The following TRABD2B variants were observed in gnomAD, a reference collection of about 807,000 sequenced individuals.
The protein encoded by TRABD2B is metalloprotease TIKI2.
TRABD2B carries 14 observed loss-of-function variants against 40.1 expected under a neutral mutation model. The observed-to-expected ratio is 0.35, with a 90% CI of 0.23 to 0.55. TRABD2B has a LOEUF of 0.55. Ranked by LOEUF, TRABD2B falls within the 20% of genes least tolerant of loss-of-function variation. The pLI, the probability that TRABD2B is intolerant of heterozygous loss-of-function variation, is 0.90. For missense variants in TRABD2B, 541 were observed against 648.6 expected (o/e 0.83, Z 1.80); for synonymous variants, 263 against 277.0 (o/e 0.95, Z 0.50).
chr1:47,911,480 C>T (rs753714310), intron 2 of TRABD2B, among the ~76,000 whole-genome samples: 46 of 152,240 alleles, frequency 3.0e-4, no homozygotes, highest in Non-Finnish European at 5.3e-4. Context: ...AGATAAAGAA[C>T]AGGCCGAAGA....
At chr1:47,855,715 G>A (rs189008497) in intron 2 of TRABD2B, among the ~76,000 whole-genome samples, 17 of 152,302 alleles carry the variant, frequency 1.1e-4, no homozygotes, top group Non-Finnish European at 2.1e-4. Context: ...GAGGTAATCA[G>A]GTCATGAAGG....
chr1:47,937,378 CCATCACCATCATAAT>C (rs946863214), intron 2 of TRABD2B, among the ~76,000 whole-genome samples: 1 of 151,166 alleles, frequency 6.6e-6, no homozygotes, highest in Non-Finnish European at 1.5e-5. Context: ...ATCATCATCA[CCATCACCATCATAAT>C]CATCACCATC....
chr1:47,953,591 G>A lies in TRABD2B; in HGVS notation c.666+40443C>T, dbSNP rs116631745. On this transcript the variant is annotated intron_variant, in intron 2 of 6. Transcript: ENST00000606738. ...GGGTGGCCATACAATCAGGCAACCT[G>A]TAACTTACCAGCTCTGAGACCTTGA... is the stretch of plus-strand genomic sequence containing the variant. 3.7e-3 allele frequency among the ~76,000 whole-genome samples: 570 copies of A among 152,248 alleles called. 3 individuals are homozygous for A. The highest frequency in any genetic ancestry group is 0.013 in the African/African-American group (544 of 41,552).
At chr1:47,846,796 T>G (rs959591359) in intron 2 of TRABD2B, among the ~76,000 whole-genome samples, 1 of 150,992 alleles carries the variant, frequency 6.6e-6, no homozygotes, top group Non-Finnish European at 1.5e-5. Context: ...CTGGGAGTGA[T>G]TCACACCTGT....
intron 2 of TRABD2B, among the ~76,000 whole-genome samples, chr1:47,823,192 C>T (rs896344179): frequency 6.6e-6 from 1 of 152,268 alleles, no homozygotes; most frequent in African/African-American, 2.4e-5. Flanking sequence ...GGCAGAGGTA[C>T]TGAACATGTA....
chr1:47,988,353 G>A (rs1215955700), intron 2 of TRABD2B, among the ~76,000 whole-genome samples: 3 of 152,098 alleles, frequency 2.0e-5, no homozygotes, highest in Non-Finnish European at 2.9e-5. Flanking sequence ...AAAGCAATGG[G>A]GTGCACACTC....
At chr1:47,815,233 G>C (rs946735726) in intron 2 of TRABD2B, among the ~76,000 whole-genome samples, 2 of 152,224 alleles carry the variant, frequency 1.3e-5, no homozygotes, top group Non-Finnish European at 2.9e-5. Context: ...AGAGAAGTCA[G>C]ACACATTCTG....
At chr1:47,789,964 T>A (rs1569941050) in intron 4 of TRABD2B, among the ~76,000 whole-genome samples, 1 of 151,062 alleles carries the variant, frequency 6.6e-6, no homozygotes, top group Non-Finnish European at 1.5e-5. Context: ...GGTAGGTGAG[T>A]GGGAAGAACA....
At chr1:47,946,413 T>C (rs1387971846) in intron 2 of TRABD2B, among the ~76,000 whole-genome samples, 1 of 152,200 alleles carries the variant, frequency 6.6e-6, no homozygotes, top group Non-Finnish European at 1.5e-5. Context: ...AGTTCTCTTC[T>C]AGTCCTAGTT....
intron 2 of TRABD2B, among the ~76,000 whole-genome samples, chr1:47,852,468 G>A (rs1253075195): frequency 6.6e-6 from 1 of 152,222 alleles, no homozygotes; most frequent in Non-Finnish European, 1.5e-5. Flanking sequence ...GTTTCAGAGA[G>A]CTGGAAGCAG....
chr1:47,951,226 G>A (rs529897196), intron 2 of TRABD2B, among the ~76,000 whole-genome samples: 34 of 152,278 alleles, frequency 2.2e-4, no homozygotes, highest in African/African-American at 6.3e-4. Context: ...GCGAGTCATC[G>A]GGCACATGGA....
Position 47,775,351 on chromosome 1 carries a change from G to A in TRABD2B, c.1168C>T (p.Pro390Ser), listed in dbSNP as rs1644430493. 1.6e-6 allele frequency: 2 copies of A among 1,239,926 alleles called. No homozygotes were observed. Among genetic ancestry groups the A allele is most frequent in the Non-Finnish European group, 2.0e-6 (2 of 990,568 alleles). 76.8% of individuals were successfully genotyped at this position (1,239,926 alleles called of 1,614,324 possible). Residue 390 changes from proline to serine, a missense_variant, in exon 6 of 7, where the codon CCC becomes TCC. By Grantham distance (74) the Pro-to-Ser change is moderately conservative. Coordinates refer to ENST00000606738, the MANE Select transcript of TRABD2B (RefSeq NM_001194986.2). ...GGTGGGGCGGTGGGGGTCACAGAGG[G>A]TGCTTCGGGGACAGCGGCAGCTGGG... The part of the protein sequence containing the change: ...VTPAAAVPEA[P>S]SVTPTAPPED...
chr1:47,801,368 C>T lies in TRABD2B; in HGVS notation c.813+105G>A, dbSNP rs60477152. ...TTCCCCACCTATAAAAGGGGAATAACGATAGCTCCTTCTTGCCATGGCTGG... is the reference window on the plus strand; with the variant it reads ...TTCCCCACCTATAAAAGGGGAATAATGATAGCTCCTTCTTGCCATGGCTGG... On this transcript the variant is annotated intron_variant, in intron 3 of 6. Transcript: ENST00000606738. The T allele has an allele frequency of 3.4e-3, 4,287 of 1,243,452 alleles. 97 individuals carry two copies. In the African/African-American group the frequency reaches 0.055, roughly 16 times the overall value. 77.0% of individuals were successfully genotyped at this position (1,243,452 alleles called of 1,614,324 possible).
intron 2 of TRABD2B, among the ~76,000 whole-genome samples, chr1:47,832,488 C>G (rs1328798016): frequency 6.6e-6 from 1 of 152,112 alleles, no homozygotes; most frequent in Non-Finnish European, 1.5e-5. Context: ...ATGGGACTAG[C>G]AGGGGCTTAG....
At chr1:47,945,352 C>T (rs1208679587) in intron 2 of TRABD2B, among the ~76,000 whole-genome samples, 1 of 152,154 alleles carries the variant, frequency 6.6e-6, no homozygotes, top group Non-Finnish European at 1.5e-5. Context: ...GTCCAACAAA[C>T]ATTTGCATGC....
Position 47,994,055 on chromosome 1 carries a change from G to A in TRABD2B, c.645C>T (p.Asn215=), listed in dbSNP as rs757665085. Residue 215 remains asparagine (N), a synonymous_variant, in exon 2 of 7, where the codon AAC becomes AAT. Coordinates refer to ENST00000606738, the MANE Select transcript of TRABD2B (RefSeq NM_001194986.2). This position sits in a 1 kb window ranked among gnomAD's most constrained non-coding sequence, Gnocchi z 6.7. ...EQVEEQCHPL[N]NGLNFSQVLF... The stretch of plus-strand genomic sequence containing the variant: ...CTACCTGGGAGAAGTTGAGCCCGTT[G>A]TTGAGGGGATGGCACTGCTCCTCCA... 1.3e-6 allele frequency: 2 copies of A among 1,535,748 alleles called. No individual in the cohort carries two copies. The highest frequency in any genetic ancestry group is 1.2e-5 in the South Asian group (1 of 84,056).
chr1:47,787,074 C>T (rs916934548), intron 4 of TRABD2B, among the ~76,000 whole-genome samples: 2 of 152,162 alleles, frequency 1.3e-5, no homozygotes, highest in Non-Finnish European at 2.9e-5. Context: ...CAGCTATGAG[C>T]TCTGAAGGGC....
At chr1:47,785,663 G>T (rs1294059721) in intron 4 of TRABD2B, among the ~76,000 whole-genome samples, 1 of 152,252 alleles carries the variant, frequency 6.6e-6, no homozygotes, top group Non-Finnish European at 1.5e-5. Context: ...TCAAGGCCCA[G>T]ATCCAGGCAA....
At chr1:47,804,115 T>A (rs938974197) in intron 2 of TRABD2B, among the ~76,000 whole-genome samples, 1 of 152,240 alleles carries the variant, frequency 6.6e-6, no homozygotes, top group Non-Finnish European at 1.5e-5. Flanking sequence ...TAGATTGCAC[T>A]GGATGCAGCC....
Sources: gnomAD v4.1 joint callset for allele counts (sites outside exome capture counted in the v4.1 genomes callset) on GRCh38, gnomAD v4.1.1 for gene constraint, Gnocchi (gnomAD v3.1) non-coding constraint, MANE v1.5 for transcripts, NCBI Gene and HGNC (gene_info 2026-07-23, HGNC 2026-07-21) for gene names.